MOSMO: variants seen among roughly 807,000 people sequenced by gnomAD.
The protein encoded by MOSMO is modulator of smoothened protein.
In MOSMO, 5 loss-of-function variants were observed where a neutral mutation model predicts 18.4. The observed-to-expected ratio is 0.27, with a 90% CI of 0.14 to 0.57. MOSMO has a LOEUF of 0.57. MOSMO is among the 20% of genes least tolerant of loss of function. The probability of loss-of-function intolerance (pLI) is 0.92; values close to 1 mark genes in which losing one functional copy is unlikely to be tolerated. For synonymous variants in MOSMO, 82 were observed against 82.3 expected, an observed-to-expected ratio of 1.00 and a Z score of 0.02; for missense variants, 138 against 211.8, an observed-to-expected ratio of 0.65 and a Z score of 2.16.
chr16:22,046,639 T>C (rs1156681762), intron 1 of MOSMO, among the ~76,000 whole-genome samples: 3 of 152,184 alleles, frequency 2.0e-5, no homozygotes, highest in Admixed American at 2.0e-4. Context: ...TTGAGCACTA[T>C]AATTGGGACC....
chr16:22,065,962 T>C (rs774922419), intron 1 of MOSMO, among the ~76,000 whole-genome samples: 1 of 152,238 alleles, frequency 6.6e-6, no homozygotes, highest in African/African-American at 2.4e-5. Flanking sequence ...CTTGCAACAA[T>C]TGAAGGAGCA....
rs954924996 is a variant in MOSMO, at chr16:22,033,651, TA to T, written c.106+25254del. ...ACTAACCTTGAAACCCCGTCTCTAC[TA>T]AAAAAAAAATACAAAAAATCACCCG... On this transcript the variant is annotated intron_variant, in intron 1 of 2. Coordinates refer to ENST00000542527, the MANE Select transcript of MOSMO (RefSeq NM_001164579.2). Among the ~76,000 whole-genome samples, 29 of 145,952 alleles carry T rather than the reference TA, an allele frequency of 2.0e-4. No homozygotes were observed. In the South Asian group the frequency reaches 2.2e-3, roughly 11 times the overall value.
intron 1 of MOSMO, among the ~76,000 whole-genome samples, chr16:22,071,946 G>C (rs746627963): frequency 6.6e-6 from 1 of 152,168 alleles, no homozygotes; most frequent in Non-Finnish European, 1.5e-5. Context: ...AATTTAGCTT[G>C]TTTTTAATAC....
chr16:22,059,787 T>C (rs1391838686), intron 1 of MOSMO, among the ~76,000 whole-genome samples: 1 of 152,238 alleles, frequency 6.6e-6, no homozygotes, highest in South Asian at 2.1e-4. Flanking sequence ...ATGGGGATTA[T>C]AATTCAAGAT....
chr16:22,024,845 G>A (rs1005188039), intron 1 of MOSMO, among the ~76,000 whole-genome samples: 1 of 152,100 alleles, frequency 6.6e-6, no homozygotes, highest in African/African-American at 2.4e-5. Flanking sequence ...GTAGAGCCTA[G>A]GTTCAAATTC....
intron 1 of MOSMO, among the ~76,000 whole-genome samples, chr16:22,013,112 A>G (rs1270797278): frequency 6.6e-6 from 1 of 152,212 alleles, no homozygotes; most frequent in East Asian, 1.9e-4. Context: ...CTCAACACCA[A>G]TAGGAATATC....
chr16:22,072,111 C>T (rs1900866524), intron 1 of MOSMO, among the ~76,000 whole-genome samples: 1 of 152,088 alleles, frequency 6.6e-6, no homozygotes, highest in Non-Finnish European at 1.5e-5. Flanking sequence ...TTGTATGATA[C>T]AGACTAAATG....
At chr16:22,085,696 C>T (rs1275867865), downstream of MOSMO, 1 of 152,008 alleles carries the variant, frequency 6.6e-6, no homozygotes, top group Non-Finnish European at 1.5e-5. Flanking sequence ...CTCTGGGTTC[C>T]TTTTATGCAA....
At chr16:22,020,540 C>T (rs1899738390) in intron 1 of MOSMO, among the ~76,000 whole-genome samples, 1 of 152,000 alleles carries the variant, frequency 6.6e-6, no homozygotes, top group Non-Finnish European at 1.5e-5. Flanking sequence ...GGTGATCCAC[C>T]CGCATCGGCC....
intron 1 of MOSMO, among the ~76,000 whole-genome samples, chr16:22,043,908 T>G (rs1303174965): frequency 1.3e-5 from 2 of 152,118 alleles, no homozygotes; most frequent in Non-Finnish European, 2.9e-5. Context: ...AAAAAGAGGT[T>G]TAATGGACTC....
intron 1 of MOSMO, among the ~76,000 whole-genome samples, chr16:22,024,017 T>TATATATATATA (rs1567501188): frequency 1.7e-4 from 14 of 84,184 alleles, no homozygotes; most frequent in African/African-American, 1.5e-3. Context: ...ATATATATAT[T>TATATATATATA]TTCTTAAGAA....
At chr16:22,016,679 A>G (rs1030073297) in intron 1 of MOSMO, among the ~76,000 whole-genome samples, 3 of 152,220 alleles carry the variant, frequency 2.0e-5, no homozygotes, top group Non-Finnish European at 4.4e-5. Context: ...GGGGCAAACC[A>G]ACATGTAGCC....
intron 1 of MOSMO, chr16:22,075,158 C>T (rs1382243756): frequency 7.9e-6 from 3 of 378,768 alleles, no homozygotes; most frequent in Non-Finnish European, 1.6e-5. Flanking sequence ...AGGGCAGGAA[C>T]CTCATCCTGT....
At chr16:22,060,185 A>T (rs2141757937) in intron 1 of MOSMO, among the ~76,000 whole-genome samples, 1 of 152,286 alleles carries the variant, frequency 6.6e-6, no homozygotes, top group African/African-American at 2.4e-5. Context: ...TCAAAAAAAA[A>T]TTGAAAAATT....
Position 22,040,836 on chromosome 16 carries a change from C to T in MOSMO, c.106+32429C>T, listed in dbSNP as rs566104035. ...TTAAGAAAGTAAAGACACAAAGACA[C>T]GCCTATAGTCCCAGCTACCCAGGAG... On this transcript the variant is annotated intron_variant, in intron 1 of 2. Coordinates refer to ENST00000542527, the MANE Select transcript of MOSMO (RefSeq NM_001164579.2). 5.9e-5 allele frequency among the ~76,000 whole-genome samples: 9 copies of T among 152,200 alleles called. No individual in the cohort carries two copies. The South Asian group carries it at 1.7e-3, about 28-fold the overall frequency.
chr16:22,088,035 C>CTT, downstream of MOSMO, among the ~76,000 whole-genome samples: 1 of 146,316 alleles, frequency 6.8e-6, no homozygotes, highest in African/African-American at 2.5e-5. Context: ...CCTGCCACTG[C>CTT]TTTTTTTTTT....
At chr16:22,089,138 G>T (rs1442595640), downstream of MOSMO, among the ~76,000 whole-genome samples, 1 of 151,956 alleles carries the variant, frequency 6.6e-6, no homozygotes, top group African/African-American at 2.4e-5. Context: ...TTGGTTTTTG[G>T]CTGCTCACTG....
At chr16:22,090,917 G>A (rs1598034090), downstream of MOSMO, among the ~76,000 whole-genome samples, 1 of 152,234 alleles carries the variant, frequency 6.6e-6, no homozygotes, top group East Asian at 1.9e-4. Context: ...CAAGAAAGCA[G>A]GAACAAAGAG....
At chr16:22,034,991 C>T (rs1039831627) in intron 1 of MOSMO, among the ~76,000 whole-genome samples, 3 of 151,946 alleles carry the variant, frequency 2.0e-5, no homozygotes, top group Non-Finnish European at 4.4e-5. Flanking sequence ...TCCTTGACCT[C>T]CCAAAGTGCT....
Sources: allele counts gnomAD v4.1 joint callset (sites outside exome capture counted in the v4.1 genomes callset), GRCh38; gene constraint gnomAD v4.1.1; transcripts MANE v1.5; gene names NCBI Gene and HGNC (gene_info 2026-07-23, HGNC 2026-07-21).